The following CTH variants were observed in gnomAD, a reference collection of about 807,000 sequenced individuals.
CTH encodes cystathionase (cystathionine gamma-lyase).
A neutral mutation model predicts 50.6 loss-of-function variants in CTH; 41 were observed. That is an observed-to-expected ratio of 0.81 (90% CI 0.63 to 1.05). The LOEUF (loss-of-function observed/expected upper bound fraction) is 1.05. CTH is among the 50% of genes least tolerant of loss of function. The pLI is 0.00. For synonymous variants in CTH, 156 were observed against 168.9 expected, an observed-to-expected ratio of 0.92 and a Z score of 0.59; for missense variants, 470 against 492.6, an observed-to-expected ratio of 0.95 and a Z score of 0.43.
intron 3 of CTH, among the ~76,000 whole-genome samples, chr1:70,420,264 T>A (rs1684185733): frequency 6.6e-6 from 1 of 152,162 alleles, no homozygotes; most frequent in African/African-American, 2.4e-5. Context: ...AGTGCTAGGA[T>A]TACAGATGTG....
chr1:70,435,989 C>A (rs1422817705), intron 10 of CTH, among the ~76,000 whole-genome samples: 1 of 152,082 alleles, frequency 6.6e-6, no homozygotes, highest in African/African-American at 2.4e-5. Context: ...CTTTAAACTT[C>A]CATTTTTTAA....
intron 4 of CTH, 66 bp downstream of exon 4, chr1:70,421,741 T>C (rs1221812164): frequency 6.8e-7 from 1 of 1,462,604 alleles, no homozygotes; most frequent in African/African-American, 1.4e-5. Context: ...CATTTCTGTT[T>C]ACTAGAGGAT....
At chr1:70,433,174 G>T (rs1354890249) in intron 8 of CTH, among the ~76,000 whole-genome samples, 1 of 152,070 alleles carries the variant, frequency 6.6e-6, no homozygotes, top group Non-Finnish European at 1.5e-5. Flanking sequence ...CTAGCATCTA[G>T]AATATATAGA....
intron 10 of CTH, 119 bp downstream of exon 10, chr1:70,435,296 A>G (rs1230194347): frequency 2.1e-6 from 2 of 932,932 alleles, no homozygotes; most frequent in Admixed American, 2.1e-5. Flanking sequence ...ATAGCAGGAC[A>G]TTAATCAGAA....
Position 70,439,718 on chromosome 1 carries a change from G to A in CTH, c.*591G>A, listed in dbSNP as rs1441481891. 6.5e-6 allele frequency: 1 copy of A among 154,352 alleles called. No individual in the cohort carries two copies. Among genetic ancestry groups the A allele is most frequent in the Non-Finnish European group, 1.4e-5 (1 of 69,676 alleles). 9.6% of individuals were successfully genotyped at this position (154,352 alleles called of 1,614,324 possible). ...CCAGCACTTTTGGAGGATAAGGCGG[G>A]CGGATCACGAGGTCAGGAGATTGAG... On this transcript the variant is annotated 3_prime_UTR_variant, in exon 12 of 12. Coordinates refer to ENST00000370938, the MANE Select transcript of CTH (RefSeq NM_001902.6).
Position 70,432,086 on chromosome 1 carries a change from T to C in CTH, c.728T>C (p.Leu243Pro). 6.2e-7 allele frequency: 1 copy of C among 1,614,014 alleles called. No individual in the cohort carries two copies. The highest frequency in any genetic ancestry group is 8.5e-7 in the Non-Finnish European group (1 of 1,179,984). Residue 243 changes from leucine to proline, a missense_variant, in exon 8 of 12, where the codon CTT (leucine) becomes CCT (proline). By Grantham distance (98) the Leu-to-Pro change is moderately conservative (BLOSUM62 -3). Transcript: ENST00000370938. ...HNRLRFLQNS[L>P]GAVPSPIDCY... is the part of the protein sequence containing the mutation. ...CCAGGATGTGTTCATTTTGCAGCTC[T>C]TGGAGCAGTTCCATCTCCTATTGAT...
At chr1:70,418,179 A>C in intron 3 of CTH, 147 bp downstream of exon 3, 1 of 939,210 alleles carries the variant, frequency 1.1e-6, no homozygotes, top group Non-Finnish European at 1.6e-6. Flanking sequence ...GCTCTCTCAG[A>C]CTTGGGAAAA....
At chr1:70,413,544 G>A (rs1481120939) in intron 1 of CTH, among the ~76,000 whole-genome samples, 1 of 151,580 alleles carries the variant, frequency 6.6e-6, no homozygotes, top group Non-Finnish European at 1.5e-5. Context: ...GATTACAGGT[G>A]TGAGCCACGG....
intron 10 of CTH, among the ~76,000 whole-genome samples, chr1:70,436,782 A>G (rs927467124): frequency 6.6e-6 from 1 of 152,318 alleles, no homozygotes; most frequent in Non-Finnish European, 1.5e-5. Context: ...AAGAGGGCAC[A>G]CTCAGCATGT....
chr1:70,430,418 C>T (rs1291691796), intron 7 of CTH, 24 bp downstream of exon 7: 3 of 1,113,160 alleles, frequency 2.7e-6, no homozygotes, highest in Non-Finnish European at 4.1e-6. Context: ...AGTGCAGGTT[C>T]CCTATGACAC....
chr1:70,421,522 A>G (rs1684221663), intron 3 of CTH, 44 bp from the exon 4 acceptor site: 3 of 1,580,988 alleles, frequency 1.9e-6, no homozygotes, highest in Non-Finnish European at 2.6e-6. Context: ...AATGTTTCTT[A>G]ATGCAATGTT....
At chr1:70,424,754 C>T (rs915962067) in intron 5 of CTH, among the ~76,000 whole-genome samples, 1 of 152,086 alleles carries the variant, frequency 6.6e-6, no homozygotes, top group Non-Finnish European at 1.5e-5. Flanking sequence ...ATGGTGAAAC[C>T]CCGTCTCTAC....
chr1:70,429,228 G>C (rs2101749164), intron 5 of CTH, among the ~76,000 whole-genome samples: 1 of 152,240 alleles, frequency 6.6e-6, no homozygotes, highest in South Asian at 2.1e-4. Flanking sequence ...ATTTTTCCAA[G>C]TATTTTTTTA....
intron 5 of CTH, among the ~76,000 whole-genome samples, chr1:70,429,272 C>T (rs1684413901): frequency 6.6e-6 from 1 of 152,122 alleles, no homozygotes; most frequent in South Asian, 2.1e-4. Flanking sequence ...ATGTGAAACC[C>T]ACACATAGGA....
intron 8 of CTH, among the ~76,000 whole-genome samples, chr1:70,433,312 A>G (rs1462565989): frequency 6.6e-6 from 1 of 152,180 alleles, no homozygotes. Flanking sequence ...TATATTTTGG[A>G]TGGAGGGAGA....
At chr1:70,432,357 A>G in intron 8 of CTH, 122 bp downstream of exon 8, 3 of 1,179,638 alleles carry the variant, frequency 2.5e-6, no homozygotes, top group Non-Finnish European at 3.7e-6. Flanking sequence ...TTCATTTATT[A>G]TTGAGCACTG....
At chr1:70,433,996 A>G in intron 9 of CTH, 47 bp downstream of exon 9, 1 of 1,610,472 alleles carries the variant, frequency 6.2e-7, no homozygotes, top group Non-Finnish European at 8.5e-7. Flanking sequence ...AAGGCCTTAC[A>G]GCAGTTCACT....
At chr1:70,435,205 T>G (rs1242234846) in intron 10 of CTH, 28 bp downstream of exon 10, 1 of 1,600,604 alleles carries the variant, frequency 6.2e-7, no homozygotes. Flanking sequence ...TTTCTCAGTA[T>G]TTTAAATTTG....
intron 1 of CTH, 66 bp from the exon 2 acceptor site, chr1:70,415,890 C>A: frequency 1.2e-6 from 1 of 862,880 alleles, no homozygotes; most frequent in Non-Finnish European, 2.0e-6. Flanking sequence ...AACTATAGTT[C>A]TCTATGTTAG....
Sources: allele counts gnomAD v4.1 joint callset (sites outside exome capture counted in the v4.1 genomes callset), GRCh38; gene constraint gnomAD v4.1.1; transcripts MANE v1.5; gene names NCBI Gene and HGNC (gene_info 2026-07-23, HGNC 2026-07-21).